Variants in KCTD8 observed in about 807,000 individuals in gnomAD.
KCTD8 encodes potassium channel tetramerization domain containing 8, also known as BTB/POZ domain-containing protein KCTD8.
A neutral mutation model predicts 31.5 loss-of-function variants in KCTD8; 27 were observed. That is an observed-to-expected ratio of 0.86 (90% CI 0.63 to 1.18). The LOEUF (loss-of-function observed/expected upper bound fraction) is 1.18. KCTD8 is among the 50% of genes most tolerant of loss of function. KCTD8 has a pLI of 0.00. For missense variants in KCTD8, 658 were observed against 647.7 expected, an observed-to-expected ratio of 1.02 and a Z score of -0.17; for synonymous variants, 290 against 280.0, an observed-to-expected ratio of 1.04 and a Z score of -0.36.
At position 44,448,127 on chromosome 4, in the gene KCTD8, C is replaced by A; in HGVS notation, c.397G>T (p.Glu133Ter). 1.9e-6 allele frequency: 3 copies of A among 1,612,608 alleles called. No individual in the cohort carries two copies. Among genetic ancestry groups the A allele is most frequent in the Non-Finnish European group, 2.5e-6 (3 of 1,179,844 alleles). Residue 133 changes from glutamate to a stop codon, truncating the protein, a stop_gained, in exon 1 of 2, where the codon GAG becomes TAG. Transcript: ENST00000360029. LOFTEE classifies it high-confidence loss of function. This position sits in a 1 kb window ranked among gnomAD's most constrained non-coding sequence, Gnocchi z 4.1. ...HFPEKERLLR[E>*]AEYFQLTDLV... ...TCGGTGAGCTGGAAATACTCGGCCT[C>A]GCGCAGCAGCCGCTCCTTCTCGGGG...
At chr4:44,181,827 G>C (rs1373010333) in intron 1 of KCTD8, among the ~76,000 whole-genome samples, 5 of 150,150 alleles carry the variant, frequency 3.3e-5, no homozygotes, top group African/African-American at 9.9e-5. Flanking sequence ...GCTGCCCATC[G>C]TCTGAGATGT....
chr4:44,188,014 A>C (rs35956834), intron 1 of KCTD8, among the ~76,000 whole-genome samples: 12,123 of 150,664 alleles, frequency 0.08, 1,225 homozygotes, highest in African/African-American at 0.24. Context: ...TGCACACACA[A>C]AAAAAAAACA....
chr4:44,298,909 T>G (rs1717524127), intron 1 of KCTD8, among the ~76,000 whole-genome samples: 2 of 152,036 alleles, frequency 1.3e-5, no homozygotes, highest in Admixed American at 1.3e-4. Context: ...CACATAAAAA[T>G]GGACAATCTA....
chr4:44,260,143 G>GAA (rs141872399), intron 1 of KCTD8, among the ~76,000 whole-genome samples: 3 of 147,300 alleles, frequency 2.0e-5, no homozygotes, highest in Non-Finnish European at 1.5e-5. Flanking sequence ...ATGCTAAAAT[G>GAA]AAAAAAAAAC....
intron 1 of KCTD8, among the ~76,000 whole-genome samples, chr4:44,399,440 A>G (rs1388797906): frequency 6.6e-6 from 1 of 152,170 alleles, no homozygotes; most frequent in African/African-American, 2.4e-5. Context: ...CAGTGGAATA[A>G]TTGGAGACTA....
chr4:44,207,273 T>C (rs531233124), intron 1 of KCTD8, among the ~76,000 whole-genome samples: 1 of 152,236 alleles, frequency 6.6e-6, no homozygotes, highest in Non-Finnish European at 1.5e-5. Flanking sequence ...GTTATATGAA[T>C]GTTAAACCAT....
intron 1 of KCTD8, among the ~76,000 whole-genome samples, chr4:44,269,009 A>G (rs1404399101): frequency 6.6e-6 from 1 of 152,156 alleles, no homozygotes; most frequent in Admixed American, 6.5e-5. Context: ...CAAGCTACCA[A>G]TGACTTTCTT....
At chr4:44,272,269 G>C (rs367903061) in intron 1 of KCTD8, among the ~76,000 whole-genome samples, 12 of 151,460 alleles carry the variant, frequency 7.9e-5, no homozygotes, top group African/African-American at 2.9e-4. Context: ...ACAAAAATTA[G>C]CAACAGGAAC....
intron 1 of KCTD8, among the ~76,000 whole-genome samples, chr4:44,399,920 C>T (rs534893520): frequency 1.1e-4 from 16 of 152,158 alleles, no homozygotes; most frequent in Non-Finnish European, 1.8e-4. Flanking sequence ...AAATCTATCA[C>T]ATTTTCAAGT....
At chr4:44,246,457 A>G (rs1001777055) in intron 1 of KCTD8, among the ~76,000 whole-genome samples, 1 of 151,910 alleles carries the variant, frequency 6.6e-6, no homozygotes, top group Non-Finnish European at 1.5e-5. Context: ...GCTCATACCT[A>G]ATTTCTCCTA....
intron 1 of KCTD8, among the ~76,000 whole-genome samples, chr4:44,213,860 A>T (rs1714565474): frequency 6.6e-6 from 1 of 152,178 alleles, no homozygotes; most frequent in South Asian, 2.1e-4. Flanking sequence ...TGAGCTGGTT[A>T]TGTTGAGAAA....
chr4:44,291,035 A>C (rs1000022713), intron 1 of KCTD8, among the ~76,000 whole-genome samples: 1 of 152,090 alleles, frequency 6.6e-6, no homozygotes, highest in South Asian at 2.1e-4. Context: ...TTGGTTTTTC[A>C]AAAGAATAGA....
At chr4:44,404,340 A>AT (rs1351056115) in intron 1 of KCTD8, among the ~76,000 whole-genome samples, 2 of 152,096 alleles carry the variant, frequency 1.3e-5, no homozygotes, top group African/African-American at 4.8e-5. Flanking sequence ...TTATTATACT[A>AT]TTTTCATGTC....
chr4:44,309,525 C>A (rs2109398234), intron 1 of KCTD8, among the ~76,000 whole-genome samples: 1 of 152,186 alleles, frequency 6.6e-6, no homozygotes, highest in Non-Finnish European at 1.5e-5. Flanking sequence ...AATCCAGTAG[C>A]CTTTCAGCTA....
chr4:44,323,765 T>C (rs1014089998), intron 1 of KCTD8, among the ~76,000 whole-genome samples: 10 of 151,964 alleles, frequency 6.6e-5, no homozygotes, highest in Admixed American at 3.9e-4. Flanking sequence ...AATCTGTTAA[T>C]AAGAAATAAG....
chr4:44,267,344 A>G (rs1308718887), intron 1 of KCTD8, among the ~76,000 whole-genome samples: 1 of 152,168 alleles, frequency 6.6e-6, no homozygotes, highest in Admixed American at 6.5e-5. Context: ...CTTTGAAACC[A>G]ATGAGAACAA....
intron 1 of KCTD8, among the ~76,000 whole-genome samples, chr4:44,407,071 A>T (rs776998786): frequency 6.6e-6 from 1 of 152,174 alleles, no homozygotes; most frequent in Non-Finnish European, 1.5e-5. Flanking sequence ...TCACTCTACA[A>T]TTCTCTAAAT....
chr4:44,267,679 C>A (rs555478350), intron 1 of KCTD8, among the ~76,000 whole-genome samples: 133 of 152,072 alleles, frequency 8.7e-4, no homozygotes, highest in African/African-American at 3.2e-3. Flanking sequence ...AGAGAAGAAT[C>A]AAATAGATGC....
At chr4:44,244,454 T>G (rs1414846658) in intron 1 of KCTD8, among the ~76,000 whole-genome samples, 1 of 152,128 alleles carries the variant, frequency 6.6e-6, no homozygotes, top group Non-Finnish European at 1.5e-5. Flanking sequence ...TGCTCTAACA[T>G]TCTCCTGCCC....
Sources: allele counts gnomAD v4.1 joint callset (sites outside exome capture counted in the v4.1 genomes callset), GRCh38; gene constraint gnomAD v4.1.1; non-coding constraint Gnocchi (gnomAD v3.1); transcripts MANE v1.5; gene names NCBI Gene and HGNC (gene_info 2026-07-23, HGNC 2026-07-21).